ENTREP2: variants seen among roughly 807,000 people sequenced by gnomAD.
ENTREP2 encodes endosomal transmembrane epsin interactor 2.
At chr15:29,588,725 CTG>C in the ENTREP2 span, among the ~76,000 whole-genome samples, 1 of 152,060 alleles carries the variant, frequency 6.6e-6, no homozygotes, top group South Asian at 2.1e-4. Context: ...TAGGCCGGGG[CTG>C]TGACTCATGT....
chr15:29,334,169 T>C, the ENTREP2 span, among the ~76,000 whole-genome samples: 1 of 152,222 alleles, frequency 6.6e-6, no homozygotes, highest in East Asian at 1.9e-4. Context: ...ATCCAGCCTG[T>C]AATGTGAACT....
the ENTREP2 span, among the ~76,000 whole-genome samples, chr15:29,667,792 G>A: frequency 6.6e-6 from 1 of 152,064 alleles, no homozygotes; most frequent in Non-Finnish European, 1.5e-5. Flanking sequence ...CACTATGCCC[G>A]GCTGTCTTCA....
the ENTREP2 span, among the ~76,000 whole-genome samples, chr15:29,660,533 T>C: frequency 6.6e-6 from 1 of 152,198 alleles, no homozygotes; most frequent in Non-Finnish European, 1.5e-5. Context: ...CAAAATTGAC[T>C]AAGACATGTA....
chr15:29,585,780 C>T, the ENTREP2 span, among the ~76,000 whole-genome samples: 1 of 150,140 alleles, frequency 6.7e-6, no homozygotes, highest in East Asian at 2.0e-4. Context: ...GGCGTGAACC[C>T]AGAAGGCGGA....
chr15:29,269,946 T>G, the ENTREP2 span: 6 of 470,608 alleles, frequency 1.3e-5, no homozygotes, highest in Admixed American at 2.2e-4. Flanking sequence ...GGCGATGATT[T>G]TTAGTATAGT....
chr15:29,397,332 C>T, the ENTREP2 span, among the ~76,000 whole-genome samples: 1 of 151,834 alleles, frequency 6.6e-6, no homozygotes, highest in East Asian at 1.9e-4. Context: ...CAGAGGTTGC[C>T]GTGAGCCGAG....
At chr15:29,614,799 G>A in the ENTREP2 span, among the ~76,000 whole-genome samples, 1 of 152,220 alleles carries the variant, frequency 6.6e-6, no homozygotes, top group African/African-American at 2.4e-5. Context: ...GCTCACGCCA[G>A]TCATCCCAGC....
At chr15:29,269,111 A>G in the ENTREP2 span, 1 of 1,614,090 alleles carries the variant, frequency 6.2e-7, no homozygotes, top group Non-Finnish European at 8.5e-7. Flanking sequence ...AGAAAGTCCC[A>G]GGCTTCAGTT....
the ENTREP2 span, among the ~76,000 whole-genome samples, chr15:29,405,161 G>A: frequency 3.0e-4 from 45 of 152,280 alleles, 1 homozygote; most frequent in African/African-American, 1.0e-3. Context: ...GGCCGAGGCG[G>A]GCAGATCACC....
the ENTREP2 span, among the ~76,000 whole-genome samples, chr15:29,231,516 G>A: frequency 6.6e-6 from 1 of 152,180 alleles, no homozygotes; most frequent in East Asian, 1.9e-4. Flanking sequence ...GTAATGCTAT[G>A]AAAATTATTG....
At chr15:29,395,892 G>A in the ENTREP2 span, among the ~76,000 whole-genome samples, 8 of 152,062 alleles carry the variant, frequency 5.3e-5, no homozygotes, top group African/African-American at 1.9e-4. Context: ...ATGTTTTCAT[G>A]TGCTTATTAG....
chr15:29,456,929 G>A, the ENTREP2 span, among the ~76,000 whole-genome samples: 1 of 152,206 alleles, frequency 6.6e-6, no homozygotes, highest in Non-Finnish European at 1.5e-5. Context: ...AGGCATAGGG[G>A]CCAATCTGAT....
chr15:29,280,045 C>T, the ENTREP2 span, among the ~76,000 whole-genome samples: 11 of 152,092 alleles, frequency 7.2e-5, no homozygotes, highest in Non-Finnish European at 1.3e-4. Context: ...CTCACATTTC[C>T]GTTTTGATGT....
At chr15:29,478,015 ATATAT>A in the ENTREP2 span, among the ~76,000 whole-genome samples, 8 of 62,378 alleles carry the variant, frequency 1.3e-4, no homozygotes, top group Non-Finnish European at 1.9e-4. Context: ...ATATATATAT[ATATAT>A]TTTTTTTTTT....
chr15:29,467,180 G>C, the ENTREP2 span, among the ~76,000 whole-genome samples: 3 of 152,086 alleles, frequency 2.0e-5, no homozygotes, highest in Non-Finnish European at 4.4e-5. Context: ...CAGCCTGGGT[G>C]TGTCCTGCGG....
the ENTREP2 span, among the ~76,000 whole-genome samples, chr15:29,631,179 G>A: frequency 6.6e-6 from 1 of 152,096 alleles, no homozygotes; most frequent in Non-Finnish European, 1.5e-5. Flanking sequence ...AGGAGTATTT[G>A]TAATTGCTTG....
At chr15:29,479,080 G>A in the ENTREP2 span, among the ~76,000 whole-genome samples, 684 of 149,006 alleles carry the variant, frequency 4.6e-3, 3 homozygotes, top group African/African-American at 0.016. Context: ...GGTGGCGGGC[G>A]CCTGTAGTCC....
the ENTREP2 span, chr15:29,195,222 T>C: frequency 1.0e-6 from 1 of 985,284 alleles, no homozygotes; most frequent in Admixed American, 6.2e-5. Context: ...GGACCATTCC[T>C]CCGTGCAAAA....
the ENTREP2 span, among the ~76,000 whole-genome samples, chr15:29,482,119 T>TC: frequency 1.3e-5 from 2 of 151,588 alleles, no homozygotes; most frequent in Non-Finnish European, 2.9e-5. Flanking sequence ...TGCCTCAGCC[T>TC]CCCAAGTAGC....
Sources: allele counts gnomAD v4.1 joint callset (sites outside exome capture counted in the v4.1 genomes callset), GRCh38; gene constraint gnomAD v4.1.1; transcripts MANE v1.5; gene names NCBI Gene and HGNC (gene_info 2026-07-23, HGNC 2026-07-21).